MGAT4C: variants seen among roughly 807,000 people sequenced by gnomAD.
MGAT4C encodes alpha-1,3-mannosyl-glycoprotein 4-beta-N-acetylglucosaminyltransferase C.
Under a neutral mutation model 40.1 loss-of-function variants are expected in MGAT4C, and 19 were observed. The ratio of observed to expected loss-of-function variants is 0.47; its 90% CI spans 0.33 to 0.70. The LOEUF is 0.70. MGAT4C is among the 30% of genes least tolerant of loss of function. MGAT4C has a pLI of 0.02. For missense variants in MGAT4C, 491 were observed against 563.2 expected (o/e 0.87, Z 1.30); for synonymous variants, 181 against 187.1 (o/e 0.97, Z 0.27).
chr12:86,777,453 G>T (rs1452912911), intron 1 of MGAT4C, among the ~76,000 whole-genome samples: 1 of 152,108 alleles, frequency 6.6e-6, no homozygotes, highest in African/African-American at 2.4e-5. Context: ...TCTTTCACAA[G>T]TTGCTTTGGC....
intron 2 of MGAT4C, among the ~76,000 whole-genome samples, chr12:86,012,753 AAAC>A (rs552362981): frequency 4.6e-4 from 51 of 109,704 alleles, no homozygotes; most frequent in East Asian, 1.7e-3. Flanking sequence ...ACTCCGTCTC[AAAC>A]AACAACAACA....
intron 1 of MGAT4C, among the ~76,000 whole-genome samples, chr12:86,773,379 C>T (rs1444927820): frequency 1.3e-5 from 2 of 152,082 alleles, no homozygotes; most frequent in African/African-American, 2.4e-5. Flanking sequence ...TCAGAAAGAA[C>T]CTACCCTGTT....
intron 4 of MGAT4C, among the ~76,000 whole-genome samples, chr12:86,322,697 T>G (rs183806488): frequency 1.6e-4 from 24 of 152,242 alleles, no homozygotes; most frequent in Non-Finnish European, 1.5e-5. Flanking sequence ...TTAGTTGCTT[T>G]GACTTGCAAA....
At chr12:86,723,879 T>G (rs1182824817) in intron 2 of MGAT4C, among the ~76,000 whole-genome samples, 1 of 152,202 alleles carries the variant, frequency 6.6e-6, no homozygotes, top group Non-Finnish European at 1.5e-5. Context: ...ATTTCATTGG[T>G]AAATAGGCAA....
chr12:86,666,063 A>G (rs1285241785), intron 2 of MGAT4C, among the ~76,000 whole-genome samples: 1 of 152,230 alleles, frequency 6.6e-6, no homozygotes, highest in Non-Finnish European at 1.5e-5. Flanking sequence ...ATGAAACTGG[A>G]AAAGTAGTAA....
At chr12:86,410,508 C>T (rs933940491) in intron 3 of MGAT4C, among the ~76,000 whole-genome samples, 1 of 152,136 alleles carries the variant, frequency 6.6e-6, no homozygotes, top group Non-Finnish European at 1.5e-5. Flanking sequence ...GGCGGTCAGA[C>T]CTTTGGTTGT....
chr12:86,712,295 A>T (rs1271122058), intron 2 of MGAT4C, among the ~76,000 whole-genome samples: 2 of 152,128 alleles, frequency 1.3e-5, no homozygotes, highest in African/African-American at 4.8e-5. Flanking sequence ...AACTCAAAAA[A>T]ATATATAAAA....
At chr12:86,251,999 GC>G (rs1952304797) in intron 1 of MGAT4C, among the ~76,000 whole-genome samples, 2 of 151,888 alleles carry the variant, frequency 1.3e-5, no homozygotes, top group African/African-American at 2.4e-5. Context: ...TAAACCCAAG[GC>G]CCAGTACCTT....
chr12:86,028,209 T>C (rs1451820909), intron 2 of MGAT4C: 2 of 1,277,680 alleles, frequency 1.6e-6, no homozygotes, highest in East Asian at 5.6e-5. Context: ...TTCCATCTGC[T>C]GATGGAAAAA....
intron 2 of MGAT4C, among the ~76,000 whole-genome samples, chr12:86,490,551 A>G (rs1958112506): frequency 6.6e-6 from 1 of 152,136 alleles, no homozygotes; most frequent in Admixed American, 6.5e-5. Flanking sequence ...TCATAATGAC[A>G]GGATCAAATT....
intron 2 of MGAT4C, among the ~76,000 whole-genome samples, chr12:86,648,885 C>T (rs1963619856): frequency 6.6e-6 from 1 of 151,734 alleles, no homozygotes; most frequent in South Asian, 2.1e-4. Flanking sequence ...ATACTAATTT[C>T]TTGTGTTTTA....
At chr12:86,829,928 T>G (rs1303966996) in intron 1 of MGAT4C, among the ~76,000 whole-genome samples, 1 of 148,188 alleles carries the variant, frequency 6.7e-6, no homozygotes, top group Non-Finnish European at 1.5e-5. Context: ...CATATCGATG[T>G]TTTTTTTACA....
chr12:86,834,623 C>T (rs1461116621), intron 1 of MGAT4C, among the ~76,000 whole-genome samples: 1 of 151,466 alleles, frequency 6.6e-6, no homozygotes, highest in Non-Finnish European at 1.5e-5. Flanking sequence ...CACACACACA[C>T]ACACACACAC....
At chr12:86,002,187 A>G (rs965581538) in intron 2 of MGAT4C, 3 of 151,804 alleles carry the variant, frequency 2.0e-5, no homozygotes, top group African/African-American at 7.3e-5. Flanking sequence ...CTTTCAAGGG[A>G]CTCTAGGACC....
At chr12:86,384,380 T>C (rs147806448) in intron 3 of MGAT4C, among the ~76,000 whole-genome samples, 2 of 152,316 alleles carry the variant, frequency 1.3e-5, no homozygotes, top group East Asian at 1.9e-4. Flanking sequence ...AGTGGAAATA[T>C]AGACTTTAGA....
intron 1 of MGAT4C, among the ~76,000 whole-genome samples, chr12:86,798,869 C>A (rs899059253): frequency 6.6e-6 from 1 of 151,688 alleles, no homozygotes; most frequent in African/African-American, 2.4e-5. Flanking sequence ...AATATAACAT[C>A]TTTTATTATT....
intron 1 of MGAT4C, among the ~76,000 whole-genome samples, chr12:86,191,197 T>C (rs949877308): frequency 2.0e-5 from 3 of 151,736 alleles, no homozygotes; most frequent in African/African-American, 4.8e-5. Context: ...TGGGAATGGT[T>C]CTAGAAGGAC....
At chr12:86,694,847 T>C (rs1324535956) in intron 2 of MGAT4C, among the ~76,000 whole-genome samples, 3 of 152,160 alleles carry the variant, frequency 2.0e-5, no homozygotes, top group African/African-American at 2.4e-5. Flanking sequence ...CTCTGGAACA[T>C]TGGTCTGGGC....
At chr12:86,399,491 C>G (rs1011554377) in intron 3 of MGAT4C, among the ~76,000 whole-genome samples, 78 of 152,152 alleles carry the variant, frequency 5.1e-4, no homozygotes, top group African/African-American at 1.6e-3. Context: ...CCGTGTTAGC[C>G]AGGATGGTCT....
Sources: gnomAD v4.1 joint callset for allele counts (sites outside exome capture counted in the v4.1 genomes callset) on GRCh38, gnomAD v4.1.1 for gene constraint, MANE v1.5 for transcripts, NCBI Gene and HGNC (gene_info 2026-07-23, HGNC 2026-07-21) for gene names.